Variants in ATF2 observed in about 807,000 individuals in gnomAD.
ATF2 encodes the protein activating transcription factor 2.
Under a neutral mutation model 60.6 loss-of-function variants are expected in ATF2, and 24 were observed. The observed-to-expected ratio is 0.40, with a 90% CI of 0.29 to 0.56. The LOEUF (loss-of-function observed/expected upper bound fraction) is 0.56. ATF2 is among the 20% of genes least tolerant of loss of function. The pLI is 0.54. For synonymous variants in ATF2, 206 were observed against 215.4 expected, an observed-to-expected ratio of 0.96 and a Z score of 0.38; for missense variants, 433 against 607.7, an observed-to-expected ratio of 0.71 and a Z score of 3.02.
chr2:175,099,147 AG>A (rs1423440359), intron 10 of ATF2, among the ~76,000 whole-genome samples: 6 of 134,620 alleles, frequency 4.5e-5, no homozygotes, highest in African/African-American at 1.7e-4. Flanking sequence ...CCTGTCGCCC[AG>A]GCTGGAGGGC....
At chr2:175,162,702 T>C (rs571433204) in intron 1 of ATF2, among the ~76,000 whole-genome samples, 42 of 152,240 alleles carry the variant, frequency 2.8e-4, no homozygotes, top group African/African-American at 9.4e-4. Flanking sequence ...AAAAGTAAAA[T>C]AAAACTTATT....
chr2:175,129,586 G>A (rs1697586783), intron 4 of ATF2, among the ~76,000 whole-genome samples: 1 of 151,550 alleles, frequency 6.6e-6, no homozygotes, highest in Non-Finnish European at 1.5e-5. Context: ...AATTCTTCCT[G>A]TCTATAGTTA....
chr2:175,091,241 G>A (rs1282802107), intron 12 of ATF2, among the ~76,000 whole-genome samples: 3 of 152,074 alleles, frequency 2.0e-5, no homozygotes, highest in Non-Finnish European at 4.4e-5. Context: ...ACTGATTTAT[G>A]TAACAATACA....
chr2:175,122,051 C>T (rs1350275979), intron 4 of ATF2, among the ~76,000 whole-genome samples: 1 of 151,688 alleles, frequency 6.6e-6, no homozygotes, highest in African/African-American at 2.4e-5. Flanking sequence ...AAAAAGAATG[C>T]CTTTGTTTTA....
chr2:175,085,549 A>AACACAC lies in ATF2; in HGVS notation c.1186-4785_1186-4784insGTGTGT, dbSNP rs1405679496. ...AAATAAAATAAATAAATAAATACAT[A>AACACAC]ACATACACACACACACACACACACA... On this transcript the variant is annotated intron_variant, in intron 12 of 13. Coordinates refer to ENST00000264110, the MANE Select transcript of ATF2 (RefSeq NM_001880.4). 1.2e-4 allele frequency among the ~76,000 whole-genome samples: 9 copies of AACACAC among 74,780 alleles called. 1 individual carries two copies. Among genetic ancestry groups the AACACAC allele is most frequent in the Middle Eastern group, 6.1e-3 (1 of 164 alleles). The allele number at this position is 74,780 out of a possible 152,430, so 49.1% of individuals were successfully genotyped here. A position where few individuals can be genotyped will look rare whatever the true frequency, so the allele number is the denominator to read the frequency against.
Position 175,130,158 on chromosome 2 carries a change from T to G in ATF2, c.82A>C (p.Thr28Pro). Residue 28 changes from threonine (T) to proline (P), a missense_variant, in exon 4 of 14, where the codon ACT becomes CCT. Thr to Pro is a conservative substitution (Grantham distance 38). Around this residue, in one of 5 missense-constraint regions of ATF2, gnomAD observed 29 missense variants for 102.1 expected, o/e 0.28. Transcript: ENST00000264110. ...NMSDDKPFLCTAPGCGQRFTN... is the reference protein window; with the variant it reads ...NMSDDKPFLCPAPGCGQRFTN... ...ATTACCTGGCCACATCCAGGCGCAG[T>G]ACATAGAAAGGGTTTGTCATCACTC... 1 of 1,595,554 alleles carries G rather than the reference T, an allele frequency of 6.3e-7. No individual in the cohort carries two copies. Among genetic ancestry groups the G allele is most frequent in the Non-Finnish European group, 8.5e-7 (1 of 1,171,174 alleles).
At chr2:175,090,848 C>T (rs939225206) in intron 12 of ATF2, among the ~76,000 whole-genome samples, 7 of 152,060 alleles carry the variant, frequency 4.6e-5, no homozygotes, top group Non-Finnish European at 1.0e-4. Flanking sequence ...AGCACTGCTA[C>T]AATAATGACA....
At chr2:175,076,342 ACAC>A (rs1286432858) in intron 13 of ATF2, among the ~76,000 whole-genome samples, 2 of 152,048 alleles carry the variant, frequency 1.3e-5, no homozygotes, top group African/African-American at 2.4e-5. Context: ...CAATAAAACA[ACAC>A]CACCACCACC....
chr2:175,157,013 C>G (rs188808133), intron 1 of ATF2, among the ~76,000 whole-genome samples: 37 of 152,192 alleles, frequency 2.4e-4, no homozygotes, highest in African/African-American at 8.9e-4. Context: ...TTTTACATAA[C>G]TCATAAAACA....
chr2:175,109,028 A>AC (rs1419864817), intron 10 of ATF2, among the ~76,000 whole-genome samples: 3 of 152,142 alleles, frequency 2.0e-5, no homozygotes, highest in Non-Finnish European at 4.4e-5. Flanking sequence ...AGGGACACAA[A>AC]CACTGCGGAA....
chr2:175,121,351 C>A, intron 5 of ATF2, 93 bp downstream of exon 5: 1 of 722,652 alleles, frequency 1.4e-6, no homozygotes. Context: ...ATTGGAATAT[C>A]ACCAGACTAT....
At chr2:175,168,008 TAC>T in intron 1 of ATF2, 40 bp downstream of exon 1, 1 of 320,618 alleles carries the variant, frequency 3.1e-6, no homozygotes, top group Non-Finnish European at 6.3e-6. Context: ...TCCGTATCCC[TAC>T]AGTCTCCAGC....
In ATF2 at chr2:175,093,221, C is replaced by T. The variant is rs1470433850; in HGVS notation, c.1025G>A (p.Arg342His). The T allele has an allele frequency of 3.1e-6, 5 of 1,613,982 alleles. No individual in the cohort carries two copies. Among genetic ancestry groups the T allele is most frequent in the East Asian group, 2.2e-5 (1 of 44,888 alleles). Residue 342 changes from arginine to histidine, a missense_variant, in exon 12 of 14, where the codon CGT (arginine) becomes CAT (histidine). Physicochemically the swap from Arg to His is conservative, Grantham distance 29. Around this residue, in one of 5 missense-constraint regions of ATF2, gnomAD observed 246 missense variants for 309.3 expected, o/e 0.80. Coordinates refer to ENST00000264110, the MANE Select transcript of ATF2 (RefSeq NM_001880.4). ...TTPQTQSTSG[R>H]RRRAANEDPD... ...ATCTTCGTTAGCTGCTCTTCTCCGA[C>T]GACCACTTGTACTTTGGGTCTGTGG... is the stretch of plus-strand genomic sequence containing the variant.
At chr2:175,154,496 AG>A (rs949212125) in intron 1 of ATF2, among the ~76,000 whole-genome samples, 3 of 152,104 alleles carry the variant, frequency 2.0e-5, no homozygotes, top group Non-Finnish European at 4.4e-5. Context: ...AAAAAGTAAA[AG>A]TACACTCCAA....
chr2:175,091,264 T>C (rs1326707113), intron 12 of ATF2, among the ~76,000 whole-genome samples: 2 of 152,156 alleles, frequency 1.3e-5, no homozygotes, highest in Non-Finnish European at 2.9e-5. Flanking sequence ...GAAGTGGTAT[T>C]ACCACATCTA....
chr2:175,125,165 C>CA (rs1474411278), intron 4 of ATF2, among the ~76,000 whole-genome samples: 4 of 151,758 alleles, frequency 2.6e-5, no homozygotes, highest in Admixed American at 2.6e-4. Flanking sequence ...TTACTGGTGA[C>CA]AAAAAATAAC....
intron 13 of ATF2, among the ~76,000 whole-genome samples, chr2:175,078,869 A>C (rs1392288853): frequency 6.6e-6 from 1 of 152,148 alleles, no homozygotes; most frequent in Non-Finnish European, 1.5e-5. Context: ...ATTACCTGAA[A>C]ATTTCTACAA....
At chr2:175,128,422 C>G (rs967657803) in intron 4 of ATF2, among the ~76,000 whole-genome samples, 1 of 151,982 alleles carries the variant, frequency 6.6e-6, no homozygotes. Flanking sequence ...ATCACTTTAA[C>G]CTGGGAGGCG....
chr2:175,140,996 C>A (rs1574465914), intron 2 of ATF2, among the ~76,000 whole-genome samples: 1 of 47,366 alleles, frequency 2.1e-5, no homozygotes, highest in African/African-American at 9.3e-5. Context: ...GACCCTATCT[C>A]AGGAAAAAAA....
Sources: allele counts gnomAD v4.1 joint callset (sites outside exome capture counted in the v4.1 genomes callset), GRCh38; gene constraint gnomAD v4.1.1; regional missense constraint gnomAD v4.1.1; transcripts MANE v1.5; gene names NCBI Gene and HGNC (gene_info 2026-07-23, HGNC 2026-07-21).